CCDC102B: variants seen among roughly 807,000 people sequenced by gnomAD.
CCDC102B encodes the protein coiled-coil domain containing 102B.
A neutral mutation model predicts 57.4 loss-of-function variants in CCDC102B; 75 were observed. That is an observed-to-expected ratio of 1.31 (90% CI 1.08 to 1.58). The LOEUF (loss-of-function observed/expected upper bound fraction) is 1.58. Among genes scored for constraint, CCDC102B ranks in the 40% most tolerant of loss-of-function variants. CCDC102B has a pLI of 0.00. For missense variants in CCDC102B, 636 were observed against 582.6 expected (o/e 1.09, Z -0.94); for synonymous variants, 206 against 201.9 (o/e 1.02, Z -0.17).
At chr18:68,832,583 A>C (rs1196155862) in intron 1 of CCDC102B, among the ~76,000 whole-genome samples, 1 of 152,062 alleles carries the variant, frequency 6.6e-6, no homozygotes, top group Non-Finnish European at 1.5e-5. Context: ...GATAGGTGGA[A>C]AAGAGGGATG....
At chr18:68,998,150 A>G (rs549548426) in intron 6 of CCDC102B, among the ~76,000 whole-genome samples, 1 of 151,918 alleles carries the variant, frequency 6.6e-6, no homozygotes, top group African/African-American at 2.4e-5. Context: ...CCATAGTATG[A>G]GGTTTGATTT....
intron 2 of CCDC102B, among the ~76,000 whole-genome samples, chr18:68,765,726 G>T (rs2034449822): frequency 6.6e-6 from 1 of 152,094 alleles, no homozygotes; most frequent in Admixed American, 6.6e-5. Context: ...TGTGTACAGG[G>T]TTATTAGCAT....
intron 2 of CCDC102B, among the ~76,000 whole-genome samples, chr18:68,746,088 A>G (rs1456256481): frequency 6.6e-6 from 1 of 152,102 alleles, no homozygotes; most frequent in Non-Finnish European, 1.5e-5. Flanking sequence ...TGTTATTACT[A>G]ATTTATAGCA....
intron 1 of CCDC102B, among the ~76,000 whole-genome samples, chr18:68,811,319 A>G (rs187165838): frequency 4.2e-4 from 64 of 152,300 alleles, no homozygotes; most frequent in Admixed American, 2.0e-3. Context: ...TTTCTTTTCT[A>G]TGTTGACAAA....
intron 7 of CCDC102B, among the ~76,000 whole-genome samples, chr18:69,026,407 C>T (rs59723196): frequency 0.084 from 12,115 of 144,486 alleles, 1,650 homozygotes; most frequent in African/African-American, 0.29. Flanking sequence ...GTGGAGGTTG[C>T]GGTGAGCCGG....
intron 1 of CCDC102B, among the ~76,000 whole-genome samples, chr18:68,801,132 CACGAA>C (rs1361152996): frequency 6.6e-6 from 1 of 152,026 alleles, no homozygotes; most frequent in Non-Finnish European, 1.5e-5. Flanking sequence ...TTTTGCCGTA[CACGAA>C]AACAGATGAG....
At chr18:68,937,664 T>C (rs1283767937) in intron 6 of CCDC102B, among the ~76,000 whole-genome samples, 1 of 152,048 alleles carries the variant, frequency 6.6e-6, no homozygotes, top group African/African-American at 2.4e-5. Context: ...TTCTGTTACA[T>C]AGGTATACAT....
intron 6 of CCDC102B, among the ~76,000 whole-genome samples, chr18:68,991,238 A>G (rs879760226): frequency 2.2e-4 from 34 of 152,110 alleles, no homozygotes; most frequent in African/African-American, 7.9e-4. Context: ...TATGAACAAA[A>G]CCAATAGCTT....
intron 6 of CCDC102B, among the ~76,000 whole-genome samples, chr18:69,008,589 A>C (rs2051415620): frequency 6.6e-6 from 1 of 152,200 alleles, no homozygotes; most frequent in African/African-American, 2.4e-5. Context: ...GGAGGTGGAC[A>C]TTCTTGAGAC....
chr18:68,930,795 T>C (rs1241177352), intron 6 of CCDC102B, among the ~76,000 whole-genome samples: 1 of 151,948 alleles, frequency 6.6e-6, no homozygotes, highest in Non-Finnish European at 1.5e-5. Context: ...CAATAGGCTC[T>C]ATGGTTACTT....
chr18:68,806,313 T>C (rs1343559704), intron 1 of CCDC102B, among the ~76,000 whole-genome samples: 2 of 152,160 alleles, frequency 1.3e-5, no homozygotes, highest in African/African-American at 4.8e-5. Context: ...TTTAAAATGA[T>C]ATTCATTTTA....
At chr18:69,041,873 G>T (rs1380094639) in intron 7 of CCDC102B, among the ~76,000 whole-genome samples, 3 of 151,904 alleles carry the variant, frequency 2.0e-5, no homozygotes, top group Non-Finnish European at 4.4e-5. Context: ...AAACCAGGTG[G>T]TCAGTTTCTG....
chr18:68,769,927 A>C (rs1053122720), intron 2 of CCDC102B, among the ~76,000 whole-genome samples: 2 of 152,214 alleles, frequency 1.3e-5, no homozygotes, highest in Non-Finnish European at 2.9e-5. Context: ...TTTGCATTGA[A>C]TATATTAGGA....
intron 6 of CCDC102B, among the ~76,000 whole-genome samples, chr18:68,923,169 G>GTTT (rs34466326): frequency 6.7e-6 from 1 of 148,726 alleles, no homozygotes; most frequent in Non-Finnish European, 1.5e-5. Flanking sequence ...TACACATACA[G>GTTT]TTTTTTTTTT....
intron 7 of CCDC102B, among the ~76,000 whole-genome samples, chr18:69,036,707 C>T (rs944905851): frequency 2.0e-5 from 3 of 151,760 alleles, no homozygotes; most frequent in Non-Finnish European, 2.9e-5. Context: ...TTGTGAAATG[C>T]AAAGGAGAGA....
intron 6 of CCDC102B, among the ~76,000 whole-genome samples, chr18:68,928,710 A>C (rs1368849182): frequency 6.6e-6 from 1 of 151,942 alleles, no homozygotes. Flanking sequence ...CTTTTCAAAA[A>C]ACTAGAAATT....
At chr18:68,738,105 C>G (rs1427227383) in intron 2 of CCDC102B, among the ~76,000 whole-genome samples, 1 of 152,090 alleles carries the variant, frequency 6.6e-6, no homozygotes, top group Non-Finnish European at 1.5e-5. Context: ...TCATGACTCC[C>G]TGTATCTACA....
chr18:68,979,353 A>G (rs1023776528), intron 6 of CCDC102B, among the ~76,000 whole-genome samples: 1 of 152,024 alleles, frequency 6.6e-6, no homozygotes, highest in African/African-American at 2.4e-5. Flanking sequence ...CAGTCTAGTA[A>G]TTCTGGAAAA....
At chr18:68,840,050 A>G (rs2037560494) in intron 3 of CCDC102B, among the ~76,000 whole-genome samples, 1 of 152,222 alleles carries the variant, frequency 6.6e-6, no homozygotes, top group Admixed American at 6.5e-5. Flanking sequence ...CATCTGGGAA[A>G]GAGAATAGTA....
Sources: allele counts gnomAD v4.1 joint callset (sites outside exome capture counted in the v4.1 genomes callset), GRCh38; gene constraint gnomAD v4.1.1; transcripts MANE v1.5; gene names NCBI Gene and HGNC (gene_info 2026-07-23, HGNC 2026-07-21).